BRD4: variants seen among roughly 807,000 people sequenced by gnomAD.
BRD4 encodes the protein bromodomain containing 4.
Under a neutral mutation model 142.1 loss-of-function variants are expected in BRD4, and 16 were observed. That is an observed-to-expected ratio of 0.11 (90% CI 0.08 to 0.17). The LOEUF (loss-of-function observed/expected upper bound fraction) is 0.17, where lower values mean the gene tolerates loss of function less well. Among genes scored for constraint, BRD4 ranks in the 10% least tolerant of loss-of-function variants. The pLI, the probability that BRD4 is intolerant of heterozygous loss-of-function variation, is 1.00. For synonymous variants in BRD4, 833 were observed against 707.5 expected, an observed-to-expected ratio of 1.18 and a Z score of -2.82; for missense variants, 1,424 against 1,810.9, an observed-to-expected ratio of 0.79 and a Z score of 3.88.
intron 1 of BRD4, among the ~76,000 whole-genome samples, chr19:15,312,805 C>A (rs1052614663): frequency 1.9e-4 from 28 of 149,692 alleles, no homozygotes; most frequent in Admixed American, 1.8e-3. Flanking sequence ...CGTGGGGGCG[C>A]GTGCCTGTAA....
intron 1 of BRD4, among the ~76,000 whole-genome samples, chr19:15,297,004 G>A (rs2047828537): frequency 6.6e-6 from 1 of 152,126 alleles, no homozygotes; most frequent in Non-Finnish European, 1.5e-5. Flanking sequence ...CTGCCCCTGG[G>A]CAGGCACCTC....
At chr19:15,251,455 GCGGGGGCGC>G (rs2047345269) in intron 11 of BRD4, among the ~76,000 whole-genome samples, 1 of 47,308 alleles carries the variant, frequency 2.1e-5, no homozygotes, top group African/African-American at 8.3e-5. Context: ...GGGGGGGGGG[GCGGGGGCGC>G]GGGCCTGCAA....
chr19:15,329,815 G>T (rs773571947), intron 1 of BRD4, among the ~76,000 whole-genome samples: 10 of 152,166 alleles, frequency 6.6e-5, no homozygotes, highest in Admixed American at 5.2e-4. Flanking sequence ...AACCTGAATT[G>T]TGAAACAAGA....
intron 1 of BRD4, among the ~76,000 whole-genome samples, chr19:15,319,229 G>A (rs2048041385): frequency 6.6e-6 from 1 of 152,100 alleles, no homozygotes; most frequent in African/African-American, 2.4e-5. Flanking sequence ...CAGAACTCTG[G>A]GAGGCCAAGG....
At chr19:15,241,606 T>C (rs529385716) in intron 14 of BRD4, among the ~76,000 whole-genome samples, 10 of 152,122 alleles carry the variant, frequency 6.6e-5, no homozygotes, top group Admixed American at 1.3e-4. Context: ...TCAGCCCCGA[T>C]AGGTGCCTGG....
intron 1 of BRD4, among the ~76,000 whole-genome samples, chr19:15,329,025 G>A (rs1306641223): frequency 1.3e-5 from 2 of 151,562 alleles, no homozygotes; most frequent in Non-Finnish European, 2.9e-5. Flanking sequence ...TGCCCGCCTC[G>A]GCCTCTCAAA....
chr19:15,303,026 A>G (rs1346909897), intron 1 of BRD4, among the ~76,000 whole-genome samples: 3 of 150,556 alleles, frequency 2.0e-5, no homozygotes, highest in Non-Finnish European at 3.0e-5. Context: ...AAAAAAAAAA[A>G]GTGCTTTTCT....
In BRD4 at chr19:15,242,893, C is replaced by A. The variant is rs2047249527; in HGVS notation, c.3169+7G>T. The A allele has an allele frequency of 6.2e-7, 1 of 1,602,400 alleles. No individual in the cohort carries two copies. The highest frequency in any genetic ancestry group is 8.5e-7 in the Non-Finnish European group (1 of 1,175,306). ...CTCCCCAGAGTCTACGGGTGAGGACCACTTACCGGTTGAGTAGGGGTCCGA... is the reference window on the plus strand; with the variant it reads ...CTCCCCAGAGTCTACGGGTGAGGACAACTTACCGGTTGAGTAGGGGTCCGA... On this transcript the variant is annotated splice_region_variant and intron_variant, in intron 14 of 19. Transcript: ENST00000679869.
chr19:15,245,732 TCA>T (rs2145521880), intron 11 of BRD4, among the ~76,000 whole-genome samples: 1 of 152,294 alleles, frequency 6.6e-6, no homozygotes, highest in Admixed American at 6.5e-5. Flanking sequence ...GGCTGGCAGG[TCA>T]CAGTCGCCTG....
At chr19:15,307,606 G>A (rs2047925180) in intron 1 of BRD4, among the ~76,000 whole-genome samples, 1 of 152,136 alleles carries the variant, frequency 6.6e-6, no homozygotes. Flanking sequence ...GCCCTTTCCA[G>A]GACAAGACAA....
rs540555352 is a variant in BRD4 at position 15,250,689 on chromosome 19, G to A, written c.2158+3463C>T. Among the ~76,000 whole-genome samples the A allele has an allele frequency of 2.6e-5, 4 of 152,304 alleles. No homozygotes were observed. In the South Asian group the frequency reaches 8.3e-4, roughly 32 times the overall value. On this transcript the variant is annotated intron_variant, in intron 11 of 19. Transcript: ENST00000679869. The stretch of plus-strand genomic sequence containing the variant: ...AGGTTAAACGGGTATTCCTAAGAGG[G>A]ACATAAGCTGTGGGGACACTTCTGC...
intron 1 of BRD4, among the ~76,000 whole-genome samples, chr19:15,300,291 G>A (rs552133768): frequency 1.3e-4 from 20 of 152,138 alleles, no homozygotes; most frequent in Non-Finnish European, 2.2e-4. Context: ...GCTGGGTGTG[G>A]TGGCTCACCC....
At position 15,257,018 on chromosome 19, in the gene BRD4, C is replaced by T. The variant is rs772271888; in HGVS notation, c.1497G>A (p.Ser499=). 5 of 1,593,072 alleles carry T rather than the reference C, an allele frequency of 3.1e-6. No individual in the cohort carries two copies. Among genetic ancestry groups the T allele is most frequent in the African/African-American group, 1.3e-5 (1 of 74,942 alleles). The change falls in exon 8 of 20, where the codon TCG becomes TCA. Residue 499 remains serine, a synonymous_variant. Transcript: ENST00000679869. ...SSDSSSDSDS[S]TDDSEEERAQ... ...CTCGCTCCTCCTCAGAGTCATCAGT[C>T]GAACTGTCACTGTCCGAGGAGCTAT...
intron 1 of BRD4, among the ~76,000 whole-genome samples, chr19:15,331,629 C>A (rs1041662932): frequency 6.6e-6 from 1 of 152,164 alleles, no homozygotes; most frequent in Non-Finnish European, 1.5e-5. Context: ...AGGGGACCTG[C>A]CCCTTTCTCC....
In BRD4 at chr19:15,237,631, GAAAAAA is replaced by G. The variant is rs562862448; in HGVS notation, c.*740_*745del. Reference sequence around the variant, plus strand: ...ACAAAAAATATATATAGAAAAAAAAGAAAAAAAAAAACGAAACAGAAACACAGGTGG... The same window carrying G: ...ACAAAAAATATATATAGAAAAAAAAGAAAAACGAAACAGAAACACAGGTGG... On this transcript the variant is annotated 3_prime_UTR_variant, in exon 20 of 20. Transcript: ENST00000679869. 5.4e-6 allele frequency: 1 copy of G among 185,514 alleles called. No individual in the cohort carries two copies. The highest frequency in any genetic ancestry group is 1.1e-5 in the Non-Finnish European group (1 of 91,830). The allele number at this position is 185,514 out of a possible 1,614,324, so 11.5% of individuals were successfully genotyped here. A position where few individuals can be genotyped will look rare whatever the true frequency, so the allele number is the denominator to read the frequency against.
At position 15,235,720 on chromosome 19, in the gene BRD4, C is replaced by T. The variant is rs1024557331; in HGVS notation, c.*2657G>A. The T allele has an allele frequency of 6.6e-6, 1 of 152,172 alleles. No homozygotes were observed. The highest frequency in any genetic ancestry group is 2.4e-5 in the African/African-American group (1 of 41,440). 9.4% of individuals were successfully genotyped at this position (152,172 alleles called of 1,614,324 possible). A position where few individuals can be genotyped will look rare whatever the true frequency, so the allele number is the denominator to read the frequency against. On this transcript the variant is annotated 3_prime_UTR_variant, in exon 20 of 20. Coordinates refer to ENST00000679869, the MANE Select transcript of BRD4 (RefSeq NM_001379291.1). ...GTACAGTGGGGGCTTGTACACACCT[C>T]TTACTCTGGTATAGGACTAAGATTT... is the stretch of plus-strand genomic sequence containing the variant.
intron 1 of BRD4, among the ~76,000 whole-genome samples, chr19:15,313,373 TAAA>T (rs33991091): frequency 2.4e-4 from 24 of 99,974 alleles, no homozygotes; most frequent in Admixed American, 5.5e-4. Context: ...ACTCCATCTT[TAAA>T]AAAAAAAAAA....
intron 1 of BRD4, among the ~76,000 whole-genome samples, chr19:15,278,662 T>C (rs1331062600): frequency 6.6e-6 from 1 of 151,796 alleles, no homozygotes; most frequent in Non-Finnish European, 1.5e-5. Context: ...ATTCTGCTGC[T>C]TGTGCTTAAC....
chr19:15,307,083 C>T (rs1041022691), intron 1 of BRD4, among the ~76,000 whole-genome samples: 1 of 152,036 alleles, frequency 6.6e-6, no homozygotes, highest in African/African-American at 2.4e-5. Context: ...TCAGGATGGG[C>T]AAGGAAATGA....
Sources: gnomAD v4.1 joint callset for allele counts (sites outside exome capture counted in the v4.1 genomes callset) on GRCh38, gnomAD v4.1.1 for gene constraint, MANE v1.5 for transcripts, NCBI Gene and HGNC (gene_info 2026-07-23, HGNC 2026-07-21) for gene names.